Variants in SYT1 observed in about 807,000 individuals in gnomAD.
SYT1 encodes the protein synaptotagmin 1, also known as synaptotagmin-1.
In SYT1, 8 loss-of-function variants were observed where a neutral mutation model predicts 44.8. That is an observed-to-expected ratio of 0.18 (90% CI 0.10 to 0.32). The LOEUF is 0.32. Ranked by LOEUF, SYT1 falls within the 10% of genes least tolerant of loss-of-function variation. The pLI, the probability that SYT1 is intolerant of heterozygous loss-of-function variation, is 1.00. For synonymous variants in SYT1, 154 were observed against 188.8 expected, an observed-to-expected ratio of 0.82 and a Z score of 1.51; for missense variants, 286 against 509.3, an observed-to-expected ratio of 0.56 and a Z score of 4.22.
At chr12:78,912,270 C>G (rs553071913) in intron 1 of SYT1, among the ~76,000 whole-genome samples, 1 of 151,510 alleles carries the variant, frequency 6.6e-6, no homozygotes, top group Non-Finnish European at 1.5e-5. Flanking sequence ...TTATTCCGTA[C>G]TGTACAAGGC....
rs145244228 is a variant in SYT1 at position 79,079,035 on chromosome 12, G to A, written c.-18+31673G>A. Among the ~76,000 whole-genome samples, 1,269 of 152,144 alleles carry A rather than the reference G, an allele frequency of 8.3e-3. 5 individuals carry two copies. The highest frequency in any genetic ancestry group is 0.012 in the Non-Finnish European group (826 of 67,994). ...CACCTAAAAATTCTGTTCTGACAGG[G>A]GACTAATTTAGGCTACAACCCTGAA... On this transcript the variant is annotated intron_variant, in intron 3 of 10. Coordinates refer to ENST00000261205, the MANE Select transcript of SYT1 (RefSeq NM_005639.3).
intron 8 of SYT1, among the ~76,000 whole-genome samples, chr12:79,342,263 G>C (rs1882411031): frequency 6.6e-6 from 1 of 152,112 alleles, no homozygotes; most frequent in African/African-American, 2.4e-5. Context: ...ACAGGGTCTT[G>C]CTCTGTTGCC....
intron 3 of SYT1, among the ~76,000 whole-genome samples, chr12:79,123,920 A>C (rs1042047082): frequency 6.6e-6 from 1 of 152,224 alleles, no homozygotes; most frequent in Non-Finnish European, 1.5e-5. Flanking sequence ...AGACTCTTTA[A>C]TGCCAATAGG....
chr12:78,947,435 A>G (rs1299140494), intron 1 of SYT1, among the ~76,000 whole-genome samples: 1 of 151,838 alleles, frequency 6.6e-6, no homozygotes, highest in Non-Finnish European at 1.5e-5. Context: ...AAACCAAACC[A>G]TTTGAGCAAG....
chr12:78,912,390 G>A (rs759480817), intron 1 of SYT1, among the ~76,000 whole-genome samples: 3 of 151,916 alleles, frequency 2.0e-5, no homozygotes, highest in Non-Finnish European at 4.4e-5. Context: ...AAAGAGAATA[G>A]CATTGAGAGG....
intron 4 of SYT1, among the ~76,000 whole-genome samples, chr12:79,283,413 C>T (rs574144740): frequency 7.0e-4 from 107 of 152,288 alleles, no homozygotes; most frequent in African/African-American, 2.5e-3. Flanking sequence ...AGCTCTTTAA[C>T]TCCCTTTGAT....
rs551152505 is a variant in SYT1 at position 79,349,308 on chromosome 12, G to T, written c.811-4194G>T. On this transcript the variant is annotated intron_variant, in intron 8 of 10. Transcript: ENST00000261205. ...AAGGAAAACAAAGAGAAAGGAAATGGAGATGAGTTAGTGACCCTGACAGAA... is the reference window on the plus strand; with the variant it reads ...AAGGAAAACAAAGAGAAAGGAAATGTAGATGAGTTAGTGACCCTGACAGAA... 2.6e-5 allele frequency among the ~76,000 whole-genome samples: 4 copies of T among 152,304 alleles called. No individual in the cohort carries two copies. The East Asian group carries it at 7.7e-4, about 29-fold the overall frequency.
chr12:79,102,362 G>A (rs1878493545), intron 3 of SYT1, among the ~76,000 whole-genome samples: 1 of 151,710 alleles, frequency 6.6e-6, no homozygotes, highest in African/African-American at 2.4e-5. Context: ...ACAAAGACAT[G>A]ACACTCAATA....
At position 79,217,698 on chromosome 12, in the gene SYT1, T is replaced by A; in HGVS notation, c.166+13T>A. ...CATAAAATTCCATGTGAGTATTCTATATTAGTACTTGAGTAAAAATAAGTG... is the reference window on the plus strand; with the variant it reads ...CATAAAATTCCATGTGAGTATTCTAAATTAGTACTTGAGTAAAAATAAGTG... On this transcript the variant is annotated intron_variant, in intron 4 of 10. Coordinates refer to ENST00000261205, the MANE Select transcript of SYT1 (RefSeq NM_005639.3). The A allele has an allele frequency of 6.3e-7, 1 of 1,595,092 alleles. No individual in the cohort carries two copies. The highest frequency in any genetic ancestry group is 8.5e-7 in the Non-Finnish European group (1 of 1,170,586).
chr12:79,220,003 C>T (rs527372251), intron 4 of SYT1, among the ~76,000 whole-genome samples: 13 of 151,970 alleles, frequency 8.6e-5, no homozygotes, highest in East Asian at 1.9e-4. Flanking sequence ...TGAGAAGAAA[C>T]GGTATTAGTT....
At chr12:79,347,198 G>T (rs968848699) in intron 8 of SYT1, among the ~76,000 whole-genome samples, 6 of 152,086 alleles carry the variant, frequency 3.9e-5, no homozygotes, top group Non-Finnish European at 5.9e-5. Context: ...GATTGCTGTA[G>T]CAAACTTCCC....
At chr12:79,180,176 T>A (rs17005339) in intron 3 of SYT1, among the ~76,000 whole-genome samples, 1,638 of 148,982 alleles carry the variant, frequency 0.011, 31 homozygotes, top group African/African-American at 0.039. Flanking sequence ...ATTTCCACCA[T>A]TGTCCTTCCT....
chr12:79,243,358 G>C (rs1002224078), intron 4 of SYT1, among the ~76,000 whole-genome samples: 4 of 152,126 alleles, frequency 2.6e-5, no homozygotes, highest in African/African-American at 9.7e-5. Flanking sequence ...TCAGTGTCAA[G>C]CAAAACATCA....
intron 4 of SYT1, among the ~76,000 whole-genome samples, chr12:79,265,637 A>G (rs1477020054): frequency 2.0e-5 from 3 of 152,144 alleles, no homozygotes; most frequent in Non-Finnish European, 4.4e-5. Context: ...TCTAATAGGA[A>G]TCACTTTACA....
At chr12:79,177,067 C>T (rs1304297100) in intron 3 of SYT1, among the ~76,000 whole-genome samples, 6 of 127,510 alleles carry the variant, frequency 4.7e-5, no homozygotes, top group African/African-American at 6.0e-5. Flanking sequence ...TTATTATACT[C>T]TAAGTTTTAG....
chr12:79,305,414 G>A (rs1880343778), intron 8 of SYT1, among the ~76,000 whole-genome samples: 1 of 152,002 alleles, frequency 6.6e-6, no homozygotes, highest in African/African-American at 2.4e-5. Flanking sequence ...CCAAAGGTCT[G>A]GTCTCACAGC....
chr12:79,120,958 T>C (rs1169109746), intron 3 of SYT1, among the ~76,000 whole-genome samples: 1 of 147,090 alleles, frequency 6.8e-6, no homozygotes, highest in Admixed American at 6.8e-5. Context: ...TATATAGATA[T>C]ATATACACAC....
chr12:79,215,709 G>C (rs187057840), intron 3 of SYT1, among the ~76,000 whole-genome samples: 1 of 152,030 alleles, frequency 6.6e-6, no homozygotes, highest in African/African-American at 2.4e-5. Flanking sequence ...AAGAGAGAGA[G>C]AGAAATAGTC....
chr12:79,127,885 G>C (rs1868539904), intron 3 of SYT1, among the ~76,000 whole-genome samples: 1 of 152,192 alleles, frequency 6.6e-6, no homozygotes, highest in Admixed American at 6.5e-5. Context: ...AAATTCAGCT[G>C]TTTAGGAAAT....
Sources: gnomAD v4.1 joint callset for allele counts (sites outside exome capture counted in the v4.1 genomes callset) on GRCh38, gnomAD v4.1.1 for gene constraint, MANE v1.5 for transcripts, NCBI Gene and HGNC (gene_info 2026-07-23, HGNC 2026-07-21) for gene names.